The following PALLD variants were observed in gnomAD, a reference collection of about 807,000 sequenced individuals.
PALLD encodes the protein palladin, cytoskeletal associated protein, also known as palladin.
Under a neutral mutation model 123.5 loss-of-function variants are expected in PALLD, and 61 were observed. That is an observed-to-expected ratio of 0.49 (90% CI 0.40 to 0.61). The LOEUF is 0.61. Among genes scored for constraint, PALLD ranks in the 20% least tolerant of loss-of-function variants. PALLD has a pLI of 0.00. For missense variants in PALLD, 1,273 were observed against 1,377.0 expected (o/e 0.92, Z 1.20); for synonymous variants, 465 against 496.4 (o/e 0.94, Z 0.84).
At chr4:168,862,670 G>A (rs1749668173) in intron 10 of PALLD, among the ~76,000 whole-genome samples, 2 of 152,058 alleles carry the variant, frequency 1.3e-5, no homozygotes, top group Non-Finnish European at 2.9e-5. Flanking sequence ...CATTTGTCAG[G>A]GTAAATCTGA....
At chr4:168,790,559 A>T (rs1737371200) in intron 10 of PALLD, among the ~76,000 whole-genome samples, 1 of 152,052 alleles carries the variant, frequency 6.6e-6, no homozygotes, top group Admixed American at 6.6e-5. Context: ...CAGTTCATTG[A>T]CCAATCTATG....
chr4:168,702,741 C>T (rs909877259), intron 8 of PALLD, among the ~76,000 whole-genome samples: 1 of 152,000 alleles, frequency 6.6e-6, no homozygotes, highest in African/African-American at 2.4e-5. Context: ...TGTATGTCCC[C>T]TTCTATGGCT....
chr4:168,674,605 A>G (rs28584864), intron 3 of PALLD, among the ~76,000 whole-genome samples: 4,537 of 152,246 alleles, frequency 0.03, 209 homozygotes, highest in African/African-American at 0.1. Context: ...GAGAGCTCCA[A>G]TCAGATGCGG....
At position 168,926,980 on chromosome 4, in the gene PALLD, G is replaced by A. The variant is rs539710745; in HGVS notation, c.*800G>A. 2.0e-4 allele frequency: 44 copies of A among 219,458 alleles called. No individual in the cohort carries two copies. The Admixed American group carries it at 2.2e-3, about 11-fold the overall frequency. 13.6% of individuals were successfully genotyped at this position (219,458 alleles called of 1,614,324 possible). ...AATATCAAAAGAGTTTTCTAACAAGGTTAATACCTTAGTTCTTAACATTTT... is the reference window on the plus strand; with the variant it reads ...AATATCAAAAGAGTTTTCTAACAAGATTAATACCTTAGTTCTTAACATTTT... On this transcript the variant is annotated 3_prime_UTR_variant, in exon 22 of 22. Coordinates refer to ENST00000505667, the MANE Select transcript of PALLD (RefSeq NM_001166108.2).
intron 15 of PALLD, among the ~76,000 whole-genome samples, chr4:168,908,434 CTT>C (rs1001854681): frequency 9.2e-5 from 14 of 152,000 alleles, no homozygotes; most frequent in Non-Finnish European, 1.5e-4. Context: ...TATATTAAAA[CTT>C]TTTTCTTATA....
At chr4:168,498,408 T>C (rs1214736134) in intron 1 of PALLD, among the ~76,000 whole-genome samples, 2 of 152,200 alleles carry the variant, frequency 1.3e-5, no homozygotes, top group Non-Finnish European at 2.9e-5. Context: ...AGGATCTGGA[T>C]TGCACTGGAC....
chr4:168,905,132 T>C (rs1757368749), intron 15 of PALLD, among the ~76,000 whole-genome samples: 2 of 129,774 alleles, frequency 1.5e-5, no homozygotes, highest in Admixed American at 8.6e-5. Flanking sequence ...GTTTTTTGTT[T>C]TGTTGGTTTT....
intron 10 of PALLD, among the ~76,000 whole-genome samples, chr4:168,714,335 C>T (rs1785133765): frequency 6.6e-6 from 1 of 152,144 alleles, no homozygotes; most frequent in South Asian, 2.1e-4. Flanking sequence ...TTTCAAAGTG[C>T]TCTTTGCTTC....
At chr4:168,594,209 G>A (rs1771746397) in intron 2 of PALLD, among the ~76,000 whole-genome samples, 1 of 152,072 alleles carries the variant, frequency 6.6e-6, no homozygotes, top group Admixed American at 6.5e-5. Flanking sequence ...GTAAGGAGAT[G>A]GTTAACGATA....
intron 10 of PALLD, among the ~76,000 whole-genome samples, chr4:168,759,202 AATATATATAT>A (rs147474708): frequency 3.3e-3 from 73 of 22,256 alleles, no homozygotes; most frequent in African/African-American, 9.3e-3. Flanking sequence ...AAAAAAAAAA[AATATATATAT>A]ATATATATAT....
chr4:168,710,718 G>C (rs947045584), intron 9 of PALLD, among the ~76,000 whole-genome samples: 1 of 152,216 alleles, frequency 6.6e-6, no homozygotes, highest in Non-Finnish European at 1.5e-5. Context: ...GAGGACCCCA[G>C]CGTTTTGATT....
intron 3 of PALLD, among the ~76,000 whole-genome samples, chr4:168,680,710 C>G (rs1056773364): frequency 6.6e-6 from 1 of 152,080 alleles, no homozygotes; most frequent in East Asian, 1.9e-4. Context: ...ATACTTTGAA[C>G]CATTGCAATT....
At position 168,571,340 on chromosome 4, in the gene PALLD, C is replaced by CT. The variant is rs1290183739; in HGVS notation, c.908+58934dup. On this transcript the variant is annotated intron_variant, in intron 2 of 21. Coordinates refer to ENST00000505667, the MANE Select transcript of PALLD (RefSeq NM_001166108.2). The stretch of plus-strand genomic sequence containing the variant: ...TGGATCCATTTTAAAACTAAGATAA[C>CT]TTTTTTCCCCTAAACGTAAGCACTA... 5.9e-5 allele frequency among the ~76,000 whole-genome samples: 9 copies of CT among 152,198 alleles called. 1 individual carries two copies. Among genetic ancestry groups the CT allele is most frequent in the Middle Eastern group, 3.4e-3 (1 of 294 alleles).
At chr4:168,867,582 T>A (rs1165094124) in intron 10 of PALLD, among the ~76,000 whole-genome samples, 1 of 152,206 alleles carries the variant, frequency 6.6e-6, no homozygotes, top group Non-Finnish European at 1.5e-5. Flanking sequence ...CTCATTCTAG[T>A]CTTACTTTCC....
At chr4:168,906,055 A>C (rs2151330925) in intron 15 of PALLD, among the ~76,000 whole-genome samples, 1 of 152,166 alleles carries the variant, frequency 6.6e-6, no homozygotes, top group South Asian at 2.1e-4. Flanking sequence ...TCTAGCTTTT[A>C]GTTTAGTTTT....
At chr4:168,728,111 T>C (rs1351072352) in intron 10 of PALLD, among the ~76,000 whole-genome samples, 1 of 152,248 alleles carries the variant, frequency 6.6e-6, no homozygotes, top group Non-Finnish European at 1.5e-5. Flanking sequence ...TACTGTAGCC[T>C]AGCAGTATAG....
At chr4:168,793,705 A>C (rs904112594) in intron 10 of PALLD, among the ~76,000 whole-genome samples, 1 of 152,182 alleles carries the variant, frequency 6.6e-6, no homozygotes, top group African/African-American at 2.4e-5. Flanking sequence ...CGAACATCAT[A>C]AAGATACGCA....
chr4:168,840,660 G>A (rs1745909916), intron 10 of PALLD, among the ~76,000 whole-genome samples: 1 of 152,146 alleles, frequency 6.6e-6, no homozygotes, highest in Non-Finnish European at 1.5e-5. Context: ...TATTTGGAAT[G>A]ATTTTATATT....
intron 2 of PALLD, among the ~76,000 whole-genome samples, chr4:168,645,423 C>T (rs1000269518): frequency 7.9e-5 from 12 of 152,148 alleles, no homozygotes; most frequent in South Asian, 2.1e-4. Context: ...CGAACAGCGT[C>T]GTGCCATCCA....
Sources: gnomAD v4.1 joint callset for allele counts (sites outside exome capture counted in the v4.1 genomes callset) on GRCh38, gnomAD v4.1.1 for gene constraint, MANE v1.5 for transcripts, NCBI Gene and HGNC (gene_info 2026-07-23, HGNC 2026-07-21) for gene names.